OTOG: variants seen among roughly 807,000 people sequenced by gnomAD.
OTOG encodes the protein otogelin.
Under a neutral mutation model 313.8 loss-of-function variants are expected in OTOG, and 296 were observed. The ratio of observed to expected loss-of-function variants is 0.94; its 90% CI spans 0.86 to 1.04. OTOG has a LOEUF of 1.04. Among genes scored for constraint, OTOG ranks in the 50% least tolerant of loss-of-function variants. The pLI is 0.00. For missense variants in OTOG, 3,948 were observed against 3,840.1 expected (o/e 1.03, Z -0.74); for synonymous variants, 1,533 against 1,554.9 (o/e 0.99, Z 0.33).
chr11:17,609,491 G>A (rs1853470473), intron 35 of OTOG, among the ~76,000 whole-genome samples, 164 bp from the exon 36 acceptor site: 1 of 152,032 alleles, frequency 6.6e-6, no homozygotes, highest in Admixed American at 6.5e-5. Context: ...AGGGTCTGAC[G>A]TCTGGGGCGG....
rs984989495 is a variant in OTOG at position 17,558,166 on chromosome 11, T to C, written c.866-19T>C. Reference sequence around the variant, plus strand: ...CAACCCCATCGCTGCCCCATCATGATGTCAGCTCCCTCCTCCAGGGAAGCT... The same window carrying C: ...CAACCCCATCGCTGCCCCATCATGACGTCAGCTCCCTCCTCCAGGGAAGCT... On this transcript the variant is annotated intron_variant, in intron 8 of 55. Transcript: ENST00000399397. 1.2e-5 allele frequency: 18 copies of C among 1,550,290 alleles called. No individual in the cohort carries two copies. In the African/African-American group the frequency reaches 2.3e-4, roughly 20 times the overall value.
chr11:17,561,863 C>G, intron 15 of OTOG, 56 bp downstream of exon 15: 5 of 1,542,868 alleles, frequency 3.2e-6, no homozygotes, highest in Non-Finnish European at 4.4e-6. Context: ...CCTACTGCCC[C>G]CAAGAGAGAC....
rs768393908 is a variant in OTOG at position 17,594,156 on chromosome 11, C to T, written c.3398C>T (p.Ala1133Val). 21 of 1,550,502 alleles carry T rather than the reference C, an allele frequency of 1.4e-5. No individual in the cohort carries two copies. The South Asian group carries it at 2.3e-4, about 17-fold the overall frequency. Reference protein sequence around the residue: ...TNPQEFGSSWAAVECPDTLDP... With the variant: ...TNPQEFGSSWVAVECPDTLDP... ...CCCCAGGAGTTTGGCAGCAGTTGGG[C>T]TGCAGTTGAGGTAAAGCCTCTCTTC... The change falls in exon 28 of 56, where the codon GCT becomes GTT. Residue 1133 changes from alanine to valine, a missense_variant. Ala to Val is a moderately conservative substitution (Grantham distance 64). Coordinates refer to ENST00000399397, the MANE Select transcript of OTOG (RefSeq NM_001292063.2).
At chr11:17,578,795 C>T (rs971498440) in intron 23 of OTOG, among the ~76,000 whole-genome samples, 2 of 152,158 alleles carry the variant, frequency 1.3e-5, no homozygotes, top group Non-Finnish European at 2.9e-5. Flanking sequence ...TAACAGGCTA[C>T]TGTGAGGAAT....
chr11:17,557,403 T>G, intron 8 of OTOG, 80 bp downstream of exon 8: 6 of 1,379,882 alleles, frequency 4.3e-6, no homozygotes, highest in Non-Finnish European at 6.0e-6. Flanking sequence ...TGGAGGGGAC[T>G]TGGAACAGAG....
In OTOG at chr11:17,597,264, G is replaced by A. The variant is rs533115084; in HGVS notation, c.3682+257G>A. Among the ~76,000 whole-genome samples, 7 of 152,306 alleles carry A rather than the reference G, an allele frequency of 4.6e-5. No homozygotes were observed. In the East Asian group the frequency reaches 1.3e-3, roughly 29 times the overall value. On this transcript the variant is annotated intron_variant, in intron 30 of 55. Transcript: ENST00000399397. ...GCTCAAGGTTAGTGGAGGAGCCAGG[G>A]TTCATCCCTAGAGAGTCCAATGCGA...
chr11:17,633,694 A>G lies in OTOG; in HGVS notation c.7087A>G (p.Ser2363Gly), dbSNP rs1378721001. The change falls in exon 43 of 56, where the codon AGC (serine) becomes GGC (glycine). Residue 2363 changes from serine to glycine, a missense_variant. Ser to Gly is a moderately conservative substitution (Grantham distance 56, BLOSUM62 0). Coordinates refer to ENST00000399397, the MANE Select transcript of OTOG (RefSeq NM_001292063.2). The part of the protein sequence containing the change: ...RSDYCPFLCS[S>G]DSTYQACVTA... Reference sequence around the variant, plus strand: ...TGCCCCTGCAGCCTTCCTGTGCTCCAGCGACTCCACATACCAGGCATGTGT... The same window carrying G: ...TGCCCCTGCAGCCTTCCTGTGCTCCGGCGACTCCACATACCAGGCATGTGT... The G allele has an allele frequency of 6.5e-7, 1 of 1,540,012 alleles. No individual in the cohort carries two copies.
At chr11:17,594,430 C>G (rs999300340) in intron 28 of OTOG, among the ~76,000 whole-genome samples, 13 of 152,184 alleles carry the variant, frequency 8.5e-5, no homozygotes, top group Admixed American at 6.5e-5. Context: ...GTGACAAAGT[C>G]TGTCCCAGGA....
chr11:17,560,926 T>G, intron 13 of OTOG, 109 bp downstream of exon 13: 1 of 1,177,634 alleles, frequency 8.5e-7, no homozygotes, highest in Middle Eastern at 1.9e-4. Flanking sequence ...ACTCACTCAG[T>G]ACCTTTGAGT....
chr11:17,578,663 A>G, intron 23 of OTOG, 137 bp downstream of exon 23: 1 of 1,150,030 alleles, frequency 8.7e-7, no homozygotes, highest in Non-Finnish European at 1.2e-6. Flanking sequence ...CCACAGCTGT[A>G]ATGGCCAGAG....
chr11:17,634,850 A>G lies in OTOG; in HGVS notation c.7487A>G (p.Asn2496Ser), dbSNP rs1295719232. ...CTGTGGTCCCCGGGGCCAGTGTGTA[A>G]CCAGACTCTGTGTGAGGGTCTCGCC... ...PCCLGTVCVC[N>S]QTLCEGLAPT... Residue 2496 changes from asparagine to serine, a missense_variant, in exon 45 of 56, where the codon AAC (asparagine) becomes AGC (serine). Coordinates refer to ENST00000399397, the MANE Select transcript of OTOG (RefSeq NM_001292063.2). 1.5e-5 allele frequency: 24 copies of G among 1,548,734 alleles called. No homozygotes were observed. In the East Asian group the frequency reaches 5.1e-4, roughly 33 times the overall value.
At chr11:17,602,490 G>A (rs1162684221) in intron 32 of OTOG, 113 bp downstream of exon 32, 24 of 1,197,086 alleles carry the variant, frequency 2.0e-5, no homozygotes, top group Non-Finnish European at 2.4e-5. Context: ...TAGGGGCTCC[G>A]ACAAGTGCCC....
intron 42 of OTOG, 27 bp downstream of exon 42, chr11:17,632,253 C>T (rs1454751011): frequency 2.9e-5 from 44 of 1,541,238 alleles, no homozygotes; most frequent in Non-Finnish European, 3.7e-5. Context: ...GGGGGACCCT[C>T]CATTGTGACT....
intron 25 of OTOG, among the ~76,000 whole-genome samples, chr11:17,592,982 T>G (rs1478025504): frequency 6.6e-6 from 1 of 152,214 alleles, no homozygotes; most frequent in Non-Finnish European, 1.5e-5. Context: ...TCAGATATTT[T>G]GGGGAGTCAC....
chr11:17,609,922 TC>T lies in OTOG; in HGVS notation c.4626del (p.Ala1543ProfsTer12). ...CCACTGGAGCTCACTGCATCTCAACTCCCCGCCGGCCCCACGGAGTCCCCAG... is the reference window on the plus strand; with the variant it reads ...CCACTGGAGCTCACTGCATCTCAACTCCCGCCGGCCCCACGGAGTCCCCAG... Reference protein sequence around the residue: ...QQPLELTASQLPAGPTESPAS... With the variant: ...QQPLELTASQXPAGPTESPAS... On this transcript the variant is annotated frameshift_variant, in exon 36 of 56. Coordinates refer to ENST00000399397, the MANE Select transcript of OTOG (RefSeq NM_001292063.2). LOFTEE classifies it high-confidence loss of function. 6.6e-7 allele frequency: 1 copy of T among 1,523,088 alleles called. No individual in the cohort carries two copies. The highest frequency in any genetic ancestry group is 8.8e-7 in the Non-Finnish European group (1 of 1,131,774). The allele number at this position is 1,523,088 out of a possible 1,614,324, so 94.3% of individuals were successfully genotyped here.
At chr11:17,624,235 T>C (rs1853929952) in intron 39 of OTOG, among the ~76,000 whole-genome samples, 1 of 152,230 alleles carries the variant, frequency 6.6e-6, no homozygotes, top group African/African-American at 2.4e-5. Context: ...GCCGTTTCTG[T>C]GTCCAGAATG....
At position 17,642,090 on chromosome 11, in the gene OTOG, G is replaced by T. The variant is rs751002821; in HGVS notation, c.8296-37G>T. 194 of 1,522,148 alleles carry T rather than the reference G, an allele frequency of 1.3e-4. 1 individual carries two copies. The highest frequency in any genetic ancestry group is 4.0e-5 in the Admixed American group (2 of 49,746). 94.3% of individuals were successfully genotyped at this position (1,522,148 alleles called of 1,614,324 possible). A position where few individuals can be genotyped will look rare whatever the true frequency, so the allele number is the denominator to read the frequency against. On this transcript the variant is annotated intron_variant, in intron 52 of 55. Coordinates refer to ENST00000399397, the MANE Select transcript of OTOG (RefSeq NM_001292063.2). The stretch of plus-strand genomic sequence containing the variant: ...ATGGGTTTGCGCAGGCTGTCCATCT[G>T]GCCACAGCTCCCATTACCTACTTCT...
At chr11:17,645,473 G>A in intron 54 of OTOG, 91 bp from the exon 55 acceptor site, 1 of 1,211,176 alleles carries the variant, frequency 8.3e-7, no homozygotes, top group Non-Finnish European at 1.2e-6. Flanking sequence ...AGACCCTCCA[G>A]CATGACACTA....
intron 23 of OTOG, among the ~76,000 whole-genome samples, chr11:17,584,256 A>G (rs1440718590): frequency 6.6e-6 from 1 of 152,178 alleles, no homozygotes; most frequent in East Asian, 1.9e-4. Flanking sequence ...GAATAAAGAT[A>G]GTTTTACTTC....
Sources: gnomAD v4.1 joint callset for allele counts (sites outside exome capture counted in the v4.1 genomes callset) on GRCh38, gnomAD v4.1.1 for gene constraint, MANE v1.5 for transcripts, NCBI Gene and HGNC (gene_info 2026-07-23, HGNC 2026-07-21) for gene names.